Variants in LHFPL3 observed in about 807,000 individuals in gnomAD.
The protein encoded by LHFPL3 is LHFPL tetraspan subfamily member 3, also known as LHFPL tetraspan subfamily member 3 protein.
Under a neutral mutation model 19.3 loss-of-function variants are expected in LHFPL3, and 5 were observed. The ratio of observed to expected loss-of-function variants is 0.26; its 90% CI spans 0.14 to 0.54. LHFPL3 has a LOEUF of 0.54. Ranked by LOEUF, LHFPL3 falls within the 20% of genes least tolerant of loss-of-function variation. The pLI is 0.94. For missense variants in LHFPL3, 249 were observed against 307.4 expected (o/e 0.81, Z 1.42); for synonymous variants, 133 against 126.2 (o/e 1.05, Z -0.36).
chr7:104,739,910 T>C (rs1300204076), intron 2 of LHFPL3, among the ~76,000 whole-genome samples: 1 of 152,212 alleles, frequency 6.6e-6, no homozygotes, highest in East Asian at 1.9e-4. Flanking sequence ...TTATGGTTGA[T>C]ATGGTCTGGC....
chr7:104,855,822 C>G (rs1169704317), intron 2 of LHFPL3, among the ~76,000 whole-genome samples: 1 of 152,124 alleles, frequency 6.6e-6, no homozygotes, highest in Non-Finnish European at 1.5e-5. Flanking sequence ...GTTGCCCAGG[C>G]TGGTCTCCAA....
At chr7:104,514,686 A>G (rs1362242164) in intron 1 of LHFPL3, among the ~76,000 whole-genome samples, 2 of 152,162 alleles carry the variant, frequency 1.3e-5, no homozygotes, top group African/African-American at 4.8e-5. Flanking sequence ...CTCAAACCTG[A>G]TTGCAAATTA....
chr7:104,823,944 G>A (rs781462914), intron 2 of LHFPL3, among the ~76,000 whole-genome samples: 1 of 150,942 alleles, frequency 6.6e-6, no homozygotes, highest in Non-Finnish European at 1.5e-5. Context: ...TCCGGAGTTC[G>A]AGACCAACCT....
At chr7:104,506,838 T>C (rs2115752192) in intron 1 of LHFPL3, among the ~76,000 whole-genome samples, 1 of 152,306 alleles carries the variant, frequency 6.6e-6, no homozygotes, top group Admixed American at 6.5e-5. Flanking sequence ...TAACTAGTGA[T>C]CTTTGAAAGC....
intron 2 of LHFPL3, among the ~76,000 whole-genome samples, chr7:104,854,656 C>G (rs1384051465): frequency 6.6e-6 from 1 of 152,176 alleles, no homozygotes; most frequent in Admixed American, 6.5e-5. Flanking sequence ...TCATTTATCA[C>G]CTTCCGGTCT....
chr7:104,784,003 A>G (rs1184084155), intron 2 of LHFPL3, among the ~76,000 whole-genome samples: 1 of 152,200 alleles, frequency 6.6e-6, no homozygotes, highest in Non-Finnish European at 1.5e-5. Flanking sequence ...CAATGCAGAC[A>G]CCAAGCTGAG....
At chr7:104,429,249 C>T (rs1348367914) in intron 1 of LHFPL3, among the ~76,000 whole-genome samples, 2 of 151,406 alleles carry the variant, frequency 1.3e-5, no homozygotes, top group East Asian at 1.9e-4. Context: ...AATAATTTAA[C>T]CTCCTGGGAA....
intron 2 of LHFPL3, among the ~76,000 whole-genome samples, chr7:104,827,358 A>T (rs181693078): frequency 6.6e-6 from 1 of 152,150 alleles, no homozygotes; most frequent in East Asian, 1.9e-4. Flanking sequence ...CTAAGGGAGA[A>T]AATTCAGTCT....
chr7:104,654,025 G>A (rs1165445415), intron 1 of LHFPL3, among the ~76,000 whole-genome samples: 1 of 152,128 alleles, frequency 6.6e-6, no homozygotes, highest in Non-Finnish European at 1.5e-5. Flanking sequence ...ATCTTAGGAT[G>A]GCACCTAAGG....
intron 2 of LHFPL3, chr7:104,845,458 A>G: frequency 6.5e-7 from 1 of 1,533,406 alleles, no homozygotes; most frequent in Non-Finnish European, 8.7e-7. Context: ...TTGTGGGTTC[A>G]GCTCTGTTTT....
chr7:104,604,810 A>G lies in LHFPL3; in HGVS notation c.446-131865A>G, dbSNP rs999150320. Among the ~76,000 whole-genome samples the G allele has an allele frequency of 3.9e-5, 6 of 152,118 alleles. No individual in the cohort carries two copies. In the East Asian group the frequency reaches 7.7e-4, roughly 20 times the overall value. On this transcript the variant is annotated intron_variant, in intron 1 of 2. Coordinates refer to ENST00000424859, the MANE Select transcript of LHFPL3 (RefSeq NM_199000.3). Reference sequence around the variant, plus strand: ...AATTCCTCCAATAATGGATTTTTCTACTCAATTATTCAGCTGTCAAAGCTG... The same window carrying G: ...AATTCCTCCAATAATGGATTTTTCTGCTCAATTATTCAGCTGTCAAAGCTG...
chr7:104,732,293 G>A (rs1219378640), intron 1 of LHFPL3, among the ~76,000 whole-genome samples: 1 of 152,168 alleles, frequency 6.6e-6, no homozygotes, highest in Non-Finnish European at 1.5e-5. Context: ...AGTTTCGGAA[G>A]GCTTGGTACC....
chr7:104,522,435 G>A (rs1053736144), intron 1 of LHFPL3, among the ~76,000 whole-genome samples: 3 of 150,252 alleles, frequency 2.0e-5, no homozygotes, highest in Non-Finnish European at 4.4e-5. Flanking sequence ...TACCTAATGC[G>A]AGATGACGAG....
chr7:104,519,736 T>G (rs1794007474), intron 1 of LHFPL3, among the ~76,000 whole-genome samples: 1 of 152,122 alleles, frequency 6.6e-6, no homozygotes, highest in Non-Finnish European at 1.5e-5. Context: ...CTGTGGTACC[T>G]GGGAGCCATA....
intron 2 of LHFPL3, among the ~76,000 whole-genome samples, chr7:104,791,605 A>G (rs1178420842): frequency 6.6e-6 from 1 of 152,212 alleles, no homozygotes; most frequent in African/African-American, 2.4e-5. Context: ...GTTAACGACT[A>G]AAATTTGTGG....
chr7:104,542,833 C>T lies in LHFPL3; in HGVS notation c.446-193842C>T, dbSNP rs375182192. Among the ~76,000 whole-genome samples, 6 of 152,288 alleles carry T rather than the reference C, an allele frequency of 3.9e-5. No homozygotes were observed. The East Asian group carries it at 9.7e-4, about 24-fold the overall frequency. ...ACCCAAAGGATTAGAAATCATTCTA[C>T]TATAAAGATACATGCACCCGTAAGT... On this transcript the variant is annotated intron_variant, in intron 1 of 2. Transcript: ENST00000424859.
chr7:104,657,666 T>A (rs4236570), intron 1 of LHFPL3, among the ~76,000 whole-genome samples: 2 of 152,212 alleles, frequency 1.3e-5, no homozygotes, highest in Non-Finnish European at 2.9e-5. Context: ...AAATCCCACA[T>A]CCTTTGCAGT....
chr7:104,890,054 T>A (rs781176979), intron 2 of LHFPL3, among the ~76,000 whole-genome samples: 67 of 152,230 alleles, frequency 4.4e-4, no homozygotes, highest in South Asian at 1.0e-3. Context: ...ATCCCAGAAG[T>A]TTGTGAGATC....
At chr7:104,730,393 C>G (rs912588175) in intron 1 of LHFPL3, among the ~76,000 whole-genome samples, 1 of 152,176 alleles carries the variant, frequency 6.6e-6, no homozygotes, top group African/African-American at 2.4e-5. Flanking sequence ...TCCCCACAGC[C>G]TCTCCAGCAC....
Sources: allele counts gnomAD v4.1 joint callset (sites outside exome capture counted in the v4.1 genomes callset), GRCh38; gene constraint gnomAD v4.1.1; transcripts MANE v1.5; gene names NCBI Gene and HGNC (gene_info 2026-07-23, HGNC 2026-07-21).